The following NDUFS4 variants were observed in gnomAD, a reference collection of about 807,000 sequenced individuals.
The protein encoded by NDUFS4 is NADH dehydrogenase [ubiquinone] iron-sulfur protein 4, mitochondrial.
In NDUFS4, 28 loss-of-function variants were observed where a neutral mutation model predicts 24.3. The observed-to-expected ratio is 1.15, with a 90% CI of 0.85 to 1.58. The LOEUF is 1.58. NDUFS4 is among the 40% of genes most tolerant of loss of function. NDUFS4 has a pLI of 0.00. For synonymous variants in NDUFS4, 93 were observed against 69.7 expected, an observed-to-expected ratio of 1.34 and a Z score of -1.67; for missense variants, 223 against 207.9, an observed-to-expected ratio of 1.07 and a Z score of -0.45.
At chr5:53,678,104 G>C (rs1196880442) in intron 4 of NDUFS4, among the ~76,000 whole-genome samples, 1 of 152,094 alleles carries the variant, frequency 6.6e-6, no homozygotes, top group African/African-American at 2.4e-5. Context: ...TTCAGAGGTT[G>C]GGGTTTTTTG....
chr5:53,569,879 A>G (rs1253914047), intron 1 of NDUFS4, among the ~76,000 whole-genome samples: 2 of 152,026 alleles, frequency 1.3e-5, no homozygotes, highest in Non-Finnish European at 2.9e-5. Flanking sequence ...TCTTTGAACT[A>G]TGTACTGTAC....
intron 4 of NDUFS4, among the ~76,000 whole-genome samples, chr5:53,681,867 A>G (rs1464025025): frequency 1.3e-5 from 2 of 152,128 alleles, no homozygotes; most frequent in Admixed American, 1.3e-4. Context: ...GTATACTTTG[A>G]TGAGTTGAGT....
In NDUFS4 at chr5:53,673,659, A is replaced by C. The variant is rs539355098; in HGVS notation, c.425-9459A>C. On this transcript the variant is annotated intron_variant, in intron 4 of 4. Transcript: ENST00000296684. ...AACTATTCTTTTTCCTTTAATAAAC[A>C]AAAACACATCTCATAACCTTGCATT... Among the ~76,000 whole-genome samples the C allele has an allele frequency of 4.6e-5, 7 of 152,324 alleles. No individual in the cohort carries two copies. The East Asian group carries it at 1.3e-3, about 29-fold the overall frequency.
chr5:53,646,929 T>C (rs1751882558), intron 3 of NDUFS4, among the ~76,000 whole-genome samples: 1 of 152,070 alleles, frequency 6.6e-6, no homozygotes, highest in Admixed American at 6.6e-5. Flanking sequence ...CTATTCGTGG[T>C]TTTAAGCATC....
At chr5:53,607,626 A>G (rs942517912) in intron 2 of NDUFS4, among the ~76,000 whole-genome samples, 9 of 152,226 alleles carry the variant, frequency 5.9e-5, no homozygotes, top group African/African-American at 1.7e-4. Context: ...AGTGCATGAT[A>G]TAAAATCATG....
intron 1 of NDUFS4, among the ~76,000 whole-genome samples, chr5:53,601,601 T>C (rs984323701): frequency 3.9e-5 from 6 of 152,176 alleles, no homozygotes; most frequent in Admixed American, 3.9e-4. Flanking sequence ...GAAAATATAG[T>C]GTAGCTTTTC....
At chr5:53,620,826 T>C (rs561265482) in intron 2 of NDUFS4, among the ~76,000 whole-genome samples, 92 of 152,328 alleles carry the variant, frequency 6.0e-4, no homozygotes, top group African/African-American at 2.1e-3. Context: ...ATGATTTCAA[T>C]TTTCAGATTT....
intron 3 of NDUFS4, among the ~76,000 whole-genome samples, chr5:53,657,914 G>A (rs1752210569): frequency 7.2e-6 from 1 of 137,972 alleles, no homozygotes; most frequent in Admixed American, 7.6e-5. Flanking sequence ...GACAGAGTGA[G>A]AGTCCATCTC....
At chr5:53,568,352 T>TC (rs1392637371) in intron 1 of NDUFS4, among the ~76,000 whole-genome samples, 1 of 152,110 alleles carries the variant, frequency 6.6e-6, no homozygotes, top group Non-Finnish European at 1.5e-5. Flanking sequence ...TCTATGGTGA[T>TC]TCTAATGGGA....
At chr5:53,625,397 G>T (rs1047937800) in intron 2 of NDUFS4, among the ~76,000 whole-genome samples, 13 of 152,100 alleles carry the variant, frequency 8.5e-5, no homozygotes, top group East Asian at 3.9e-4. Context: ...TGGAATTTTT[G>T]ATTAGTATTC....
chr5:53,585,756 AG>A (rs1292068691), intron 1 of NDUFS4, among the ~76,000 whole-genome samples: 2 of 145,898 alleles, frequency 1.4e-5, no homozygotes, highest in East Asian at 1.9e-4. Flanking sequence ...AAAAAAAAAA[AG>A]AAAATTTTTG....
At chr5:53,603,162 C>T (rs542458523) in intron 1 of NDUFS4, among the ~76,000 whole-genome samples, 3 of 152,212 alleles carry the variant, frequency 2.0e-5, no homozygotes, top group East Asian at 1.9e-4. Context: ...ACTGTACACT[C>T]ATAGACAGCA....
At chr5:53,566,698 C>T (rs1006691326) in intron 1 of NDUFS4, among the ~76,000 whole-genome samples, 1 of 152,100 alleles carries the variant, frequency 6.6e-6, no homozygotes, top group Admixed American at 6.5e-5. Flanking sequence ...CTCCTATATA[C>T]TTTAAATCAT....
chr5:53,590,064 A>G lies in NDUFS4; in HGVS notation c.99-13388A>G, dbSNP rs375952911. ...ATATGGGTGCCCAGCTGGAATGACT[A>G]ACAAGCCTTTTGAGGAATATAGAGA... is the stretch of plus-strand genomic sequence containing the variant. On this transcript the variant is annotated intron_variant, in intron 1 of 4. Transcript: ENST00000296684. Among the ~76,000 whole-genome samples the G allele has an allele frequency of 2.6e-5, 4 of 152,334 alleles. 1 individual carries two copies. Among genetic ancestry groups the G allele is most frequent in the Non-Finnish European group, 1.5e-5 (1 of 68,030 alleles).
intron 3 of NDUFS4, among the ~76,000 whole-genome samples, chr5:53,649,209 T>G (rs1194722482): frequency 2.0e-5 from 3 of 152,236 alleles, no homozygotes; most frequent in African/African-American, 4.8e-5. Context: ...AATATTGTTC[T>G]TTTTTAAATT....
intron 1 of NDUFS4, among the ~76,000 whole-genome samples, chr5:53,577,462 A>T (rs1486389236): frequency 1.4e-5 from 2 of 139,090 alleles, no homozygotes; most frequent in Admixed American, 7.7e-5. Flanking sequence ...CTTATAACTA[A>T]AGAGTCTCTA....
Position 53,683,183 on chromosome 5 carries a change from T to G in NDUFS4, c.490T>G (p.Phe164Val), listed in dbSNP as rs1740733078. The G allele has an allele frequency of 6.2e-7, 1 of 1,612,072 alleles. No homozygotes were observed. Among genetic ancestry groups the G allele is most frequent in the Non-Finnish European group, 8.5e-7 (1 of 1,178,608 alleles). ...KPKSKSYGANFSWNKRTRVST... is the reference protein window; with the variant it reads ...KPKSKSYGANVSWNKRTRVST... Reference sequence around the variant, plus strand: ...CAAGTCCAAGTCTTATGGTGCAAACTTTTCTTGGAACAAAAGAACAAGAGT... The same window carrying G: ...CAAGTCCAAGTCTTATGGTGCAAACGTTTCTTGGAACAAAAGAACAAGAGT... The change falls in exon 5 of 5, where the codon TTT (phenylalanine) becomes GTT (valine). Residue 164 changes from phenylalanine to valine, a missense_variant. Phe to Val is a conservative substitution (Grantham distance 50, BLOSUM62 -1). Coordinates refer to ENST00000296684, the MANE Select transcript of NDUFS4 (RefSeq NM_002495.4).
chr5:53,606,013 CAAAAAAAAA>C (rs11329751), intron 2 of NDUFS4, among the ~76,000 whole-genome samples: 101 of 77,058 alleles, frequency 1.3e-3, no homozygotes, highest in Admixed American at 8.1e-3. Flanking sequence ...GACTCCGTCT[CAAAAAAAAA>C]AAAAAAAAAA....
chr5:53,599,180 A>G (rs1456741742), intron 1 of NDUFS4, among the ~76,000 whole-genome samples: 1 of 152,142 alleles, frequency 6.6e-6, no homozygotes, highest in Non-Finnish European at 1.5e-5. Flanking sequence ...ATGATTATTA[A>G]TATTTTGGCT....
Sources: gnomAD v4.1 joint callset for allele counts (sites outside exome capture counted in the v4.1 genomes callset) on GRCh38, gnomAD v4.1.1 for gene constraint, MANE v1.5 for transcripts, NCBI Gene and HGNC (gene_info 2026-07-23, HGNC 2026-07-21) for gene names.